Variants in TRHDE observed in about 807,000 individuals in gnomAD.
TRHDE encodes the protein thyrotropin-releasing hormone-degrading ectoenzyme.
Under a neutral mutation model 125.7 loss-of-function variants are expected in TRHDE, and 72 were observed. The ratio of observed to expected loss-of-function variants is 0.57; its 90% CI spans 0.47 to 0.70. The LOEUF is 0.70. Ranked by LOEUF, TRHDE falls within the 30% of genes least tolerant of loss-of-function variation. The pLI, the probability that TRHDE is intolerant of heterozygous loss-of-function variation, is 0.00. For missense variants in TRHDE, 1,110 were observed against 1,327.1 expected, an observed-to-expected ratio of 0.84 and a Z score of 2.54; for synonymous variants, 509 against 509.1, an observed-to-expected ratio of 1.00 and a Z score of 0.00.
chr12:72,340,388 A>G (rs574609490), intron 2 of TRHDE, among the ~76,000 whole-genome samples: 26 of 152,296 alleles, frequency 1.7e-4, no homozygotes, highest in Middle Eastern at 3.4e-3. Context: ...TGTCTAGCAC[A>G]CATTTCACTT....
At chr12:72,398,912 T>G (rs1416349338) in intron 3 of TRHDE, among the ~76,000 whole-genome samples, 1 of 152,184 alleles carries the variant, frequency 6.6e-6, no homozygotes, top group Non-Finnish European at 1.5e-5. Flanking sequence ...ATTAAAACTC[T>G]AAGGCAGGGT....
chr12:72,429,338 CATAATAATAATA>C (rs57170664), intron 3 of TRHDE, among the ~76,000 whole-genome samples: 14 of 143,394 alleles, frequency 9.8e-5, no homozygotes, highest in Admixed American at 3.5e-4. Flanking sequence ...GAATTTAAAG[CATAATAATAATA>C]ATAATAATAA....
At chr12:72,354,778 T>G (rs896776617) in intron 2 of TRHDE, among the ~76,000 whole-genome samples, 4 of 150,590 alleles carry the variant, frequency 2.7e-5, no homozygotes, top group African/African-American at 9.7e-5. Context: ...GTTATCTCTG[T>G]GTGTGTGTAT....
chr12:72,625,386 C>G (rs991894079), intron 15 of TRHDE, among the ~76,000 whole-genome samples: 1 of 151,160 alleles, frequency 6.6e-6, no homozygotes, highest in Non-Finnish European at 1.5e-5. Flanking sequence ...AAAAAAATAC[C>G]CTGAAACAAC....
chr12:72,544,151 A>G (rs1313292542), intron 7 of TRHDE, among the ~76,000 whole-genome samples: 1 of 151,404 alleles, frequency 6.6e-6, no homozygotes, highest in Non-Finnish European at 1.5e-5. Flanking sequence ...TATACTCATC[A>G]CTCAAACTGA....
At chr12:72,625,956 T>A (rs1873242323) in intron 15 of TRHDE, among the ~76,000 whole-genome samples, 1 of 151,932 alleles carries the variant, frequency 6.6e-6, no homozygotes, top group Admixed American at 6.6e-5. Context: ...GGTTGCATGG[T>A]GCTATATGGC....
rs370226229 is a variant in TRHDE at position 72,188,247 on chromosome 12, T to G, written n.279+82495T>G. 1.5e-4 allele frequency among the ~76,000 whole-genome samples: 23 copies of G among 152,338 alleles called. No homozygotes were observed. In the East Asian group the frequency reaches 3.7e-3, roughly 24 times the overall value. ...ATTTAGTAATCAGTAGTTCCAAGTCTTGAGCAAGATGAAATTCATTATAGT... is the reference window on the plus strand; with the variant it reads ...ATTTAGTAATCAGTAGTTCCAAGTCGTGAGCAAGATGAAATTCATTATAGT... On this transcript the variant is annotated intron_variant and non_coding_transcript_variant, in intron 2 of 4. Coordinates refer to the TRHDE transcript ENST00000548156.
At chr12:72,287,550 C>T (rs1592520764) in intron 2 of TRHDE, among the ~76,000 whole-genome samples, 1 of 151,124 alleles carries the variant, frequency 6.6e-6, no homozygotes, top group East Asian at 1.9e-4. Context: ...TGCATATTAT[C>T]CTACGATTAT....
intron 15 of TRHDE, among the ~76,000 whole-genome samples, chr12:72,643,261 C>T (rs1000243749): frequency 6.6e-6 from 1 of 152,178 alleles, no homozygotes; most frequent in Non-Finnish European, 1.5e-5. Context: ...GGATTTGTAG[C>T]TGAGACTGAG....
At chr12:72,185,290 G>A (rs1165703994) in intron 2 of TRHDE, among the ~76,000 whole-genome samples, 1 of 152,236 alleles carries the variant, frequency 6.6e-6, no homozygotes, top group Non-Finnish European at 1.5e-5. Flanking sequence ...CGCGGGGCAG[G>A]GCTGGGGACC....
At chr12:72,124,636 T>C (rs867603833) in intron 2 of TRHDE, among the ~76,000 whole-genome samples, 2 of 152,188 alleles carry the variant, frequency 1.3e-5, no homozygotes, top group African/African-American at 2.4e-5. Context: ...TAATATTCAA[T>C]TGAGTGATTA....
At chr12:72,470,745 AAG>A (rs1187856586) in intron 4 of TRHDE, among the ~76,000 whole-genome samples, 1 of 152,152 alleles carries the variant, frequency 6.6e-6, no homozygotes, top group Non-Finnish European at 1.5e-5. Flanking sequence ...AAACTAAGGA[AAG>A]AGTGATGTGA....
intron 12 of TRHDE, among the ~76,000 whole-genome samples, chr12:72,592,867 T>G (rs537505049): frequency 7.6e-4 from 116 of 152,214 alleles, no homozygotes; most frequent in African/African-American, 2.7e-3. Flanking sequence ...CCTGCCACTA[T>G]GCCCGGCTAA....
intron 2 of TRHDE, among the ~76,000 whole-genome samples, chr12:72,154,730 C>G (rs1422386708): frequency 1.3e-5 from 2 of 152,210 alleles, no homozygotes; most frequent in African/African-American, 4.8e-5. Context: ...CCCCCACTCT[C>G]TTCTGGCTTG....
intron 15 of TRHDE, among the ~76,000 whole-genome samples, chr12:72,639,849 A>C (rs1474927021): frequency 6.6e-6 from 1 of 152,204 alleles, no homozygotes; most frequent in Admixed American, 6.5e-5. Flanking sequence ...TTGAGGAGGC[A>C]GTCTGCCCGT....
intron 15 of TRHDE, among the ~76,000 whole-genome samples, chr12:72,635,481 T>G (rs1421659758): frequency 6.6e-6 from 1 of 152,210 alleles, no homozygotes; most frequent in African/African-American, 2.4e-5. Flanking sequence ...TAGTTTCTTT[T>G]GCTGTGTAGA....
intron 15 of TRHDE, among the ~76,000 whole-genome samples, chr12:72,639,073 T>G (rs1252692573): frequency 1.3e-5 from 2 of 150,758 alleles, no homozygotes; most frequent in African/African-American, 4.9e-5. Context: ...TTGGGGAAGT[T>G]CTCCTGGATA....
At chr12:72,505,851 T>A (rs927681302) in intron 6 of TRHDE, among the ~76,000 whole-genome samples, 3 of 152,150 alleles carry the variant, frequency 2.0e-5, no homozygotes, top group African/African-American at 7.2e-5. Context: ...AGGCCAATCA[T>A]CCATTTGTAT....
intron 2 of TRHDE, among the ~76,000 whole-genome samples, chr12:72,187,336 C>CACAA (rs1232160871): frequency 6.6e-6 from 1 of 150,602 alleles, no homozygotes; most frequent in Non-Finnish European, 1.5e-5. Flanking sequence ...CACACACACA[C>CACAA]ACACACACAC....
Sources: allele counts gnomAD v4.1 joint callset (sites outside exome capture counted in the v4.1 genomes callset), GRCh38; gene constraint gnomAD v4.1.1; transcripts MANE v1.5; gene names NCBI Gene and HGNC (gene_info 2026-07-23, HGNC 2026-07-21).